The following ME3 variants were observed in gnomAD, a reference collection of about 807,000 sequenced individuals.
ME3 encodes malic enzyme 3.
A neutral mutation model predicts 68.9 loss-of-function variants in ME3; 48 were observed. That is an observed-to-expected ratio of 0.70 (90% CI 0.55 to 0.89). ME3 has a LOEUF of 0.89. Among genes scored for constraint, ME3 ranks in the 40% least tolerant of loss-of-function variants. ME3 has a pLI of 0.00. For missense variants in ME3, 675 were observed against 797.4 expected (o/e 0.85, Z 1.85); for synonymous variants, 320 against 318.8 (o/e 1.00, Z -0.04).
At chr11:86,596,457 G>C (rs1036633542) in intron 2 of ME3, among the ~76,000 whole-genome samples, 45 of 152,248 alleles carry the variant, frequency 3.0e-4, no homozygotes, top group African/African-American at 1.0e-3. Context: ...GGCTTTTTCA[G>C]TGAAGCCCAG....
chr11:86,559,158 C>T (rs746524474), intron 3 of ME3, among the ~76,000 whole-genome samples: 3 of 152,170 alleles, frequency 2.0e-5, no homozygotes, highest in Non-Finnish European at 2.9e-5. Context: ...GAGGAGAACT[C>T]ACAGAGGAGG....
downstream of ME3, chr11:86,437,390 A>C (rs2138564107): frequency 6.6e-6 from 1 of 152,250 alleles, no homozygotes; most frequent in South Asian, 2.1e-4. Context: ...TATTTATAGT[A>C]GGTTCTTGAC....
intron 7 of ME3, among the ~76,000 whole-genome samples, chr11:86,483,504 C>CGT (rs370614670): frequency 4.6e-5 from 7 of 150,618 alleles, no homozygotes; most frequent in Non-Finnish European, 7.4e-5. Context: ...TCAGGGATTA[C>CGT]GTGTGTGTGT....
intron 2 of ME3, among the ~76,000 whole-genome samples, chr11:86,656,819 T>G (rs1227933365): frequency 6.6e-6 from 1 of 151,584 alleles, no homozygotes; most frequent in Non-Finnish European, 1.5e-5. Flanking sequence ...GAACAGACAC[T>G]TCTCTAAAGA....
intron 2 of ME3, among the ~76,000 whole-genome samples, chr11:86,648,126 A>C (rs1203173277): frequency 2.0e-5 from 3 of 152,236 alleles, no homozygotes; most frequent in Non-Finnish European, 2.9e-5. Flanking sequence ...GCAGAACTAC[A>C]TGGAAACTGA....
chr11:86,609,507 T>G (rs986900336), intron 2 of ME3, among the ~76,000 whole-genome samples: 4 of 152,202 alleles, frequency 2.6e-5, no homozygotes, highest in African/African-American at 9.6e-5. Context: ...AATCAGTGAA[T>G]GATTGAATTA....
intron 4 of ME3, among the ~76,000 whole-genome samples, chr11:86,524,064 C>G (rs1282858184): frequency 1.3e-5 from 2 of 152,190 alleles, no homozygotes; most frequent in Non-Finnish European, 2.9e-5. Flanking sequence ...AGGCCCCTTT[C>G]CCTGAAAAGT....
intron 8 of ME3, among the ~76,000 whole-genome samples, chr11:86,461,330 T>C (rs772117452): frequency 7.9e-5 from 12 of 152,174 alleles, no homozygotes; most frequent in African/African-American, 2.9e-4. Context: ...GAGGGGGGGA[T>C]GTTGCCAGGC....
At chr11:86,628,243 G>A (rs1185648589) in intron 2 of ME3, among the ~76,000 whole-genome samples, 1 of 152,218 alleles carries the variant, frequency 6.6e-6, no homozygotes, top group Non-Finnish European at 1.5e-5. Context: ...GTGGTGTGTG[G>A]CTGCCAGCCT....
intron 2 of ME3, among the ~76,000 whole-genome samples, chr11:86,563,985 T>G (rs1957358746): frequency 6.6e-6 from 1 of 152,202 alleles, no homozygotes. Flanking sequence ...CTGTGAAGAA[T>G]GACCTTGGTA....
intron 8 of ME3, chr11:86,457,901 A>G (rs927682658): frequency 2.1e-6 from 2 of 971,308 alleles, no homozygotes; most frequent in Admixed American, 3.5e-5. Flanking sequence ...TCTGCTTTTA[A>G]TAGTCAGATT....
chr11:86,495,868 G>A (rs1952292630), intron 6 of ME3, among the ~76,000 whole-genome samples: 1 of 152,186 alleles, frequency 6.6e-6, no homozygotes, highest in Non-Finnish European at 1.5e-5. Flanking sequence ...GAGGTGCAAT[G>A]ACTTACCTGG....
downstream of ME3, among the ~76,000 whole-genome samples, chr11:86,438,015 GT>G (rs1482009874): frequency 6.6e-6 from 1 of 152,142 alleles, no homozygotes; most frequent in Non-Finnish European, 1.5e-5. Flanking sequence ...CACCCTCCGT[GT>G]TGACTAGAAG....
At chr11:86,494,850 G>T (rs1341413375) in intron 6 of ME3, among the ~76,000 whole-genome samples, 1 of 152,054 alleles carries the variant, frequency 6.6e-6, no homozygotes, top group Non-Finnish European at 1.5e-5. Context: ...ATTAAATAAG[G>T]CAAAGTGTTC....
intron 2 of ME3, among the ~76,000 whole-genome samples, chr11:86,579,897 T>A (rs1449129019): frequency 6.6e-6 from 1 of 152,200 alleles, no homozygotes; most frequent in Admixed American, 6.5e-5. Context: ...CATTTTTTAT[T>A]AGACTTATAT....
chr11:86,667,343 G>A (rs1485301501), intron 2 of ME3, among the ~76,000 whole-genome samples: 2 of 152,194 alleles, frequency 1.3e-5, no homozygotes, highest in Non-Finnish European at 2.9e-5. Context: ...AGATTGGTGT[G>A]TTCTGGGAAA....
chr11:86,665,738 A>G (rs565352812), intron 2 of ME3, among the ~76,000 whole-genome samples: 2 of 152,344 alleles, frequency 1.3e-5, no homozygotes, highest in African/African-American at 4.8e-5. Context: ...GGAGGCTTCA[A>G]TCAGTGGTGA....
chr11:86,512,908 A>G (rs1465170385), intron 4 of ME3, among the ~76,000 whole-genome samples: 1 of 152,220 alleles, frequency 6.6e-6, no homozygotes, highest in African/African-American at 2.4e-5. Flanking sequence ...AGGCAGGAAA[A>G]GCTCTAAAAA....
intron 2 of ME3, among the ~76,000 whole-genome samples, chr11:86,656,857 G>GCAA (rs1945920338): frequency 1.4e-5 from 2 of 147,730 alleles, no homozygotes; most frequent in Non-Finnish European, 1.5e-5. Flanking sequence ...ATAAACATAT[G>GCAA]AAAAAAAAAA....
Sources: gnomAD v4.1 joint callset for allele counts (sites outside exome capture counted in the v4.1 genomes callset) on GRCh38, gnomAD v4.1.1 for gene constraint, MANE v1.5 for transcripts, NCBI Gene and HGNC (gene_info 2026-07-23, HGNC 2026-07-21) for gene names.